The following DRC1 variants were observed in gnomAD, a reference collection of about 807,000 sequenced individuals.
DRC1 encodes dynein regulatory complex subunit 1.
DRC1 carries 74 observed loss-of-function variants against 98.7 expected under a neutral mutation model. That is an observed-to-expected ratio of 0.75 (90% confidence interval 0.62 to 0.91). The LOEUF is 0.91. Among genes scored for constraint, DRC1 ranks in the 40% least tolerant of loss-of-function variants. The probability of loss-of-function intolerance (pLI) is 0.00; values close to 1 mark genes in which losing one functional copy is unlikely to be tolerated. For synonymous variants in DRC1, 336 were observed against 334.1 expected (o/e 1.01, Z -0.06); for missense variants, 875 against 886.0 (o/e 0.99, Z 0.16).
chr2:26,441,513 T>C (rs549189822), intron 8 of DRC1, among the ~76,000 whole-genome samples: 1 of 151,626 alleles, frequency 6.6e-6, no homozygotes, highest in African/African-American at 2.4e-5. Flanking sequence ...TAGCAGAACA[T>C]CCAAGAAAGG....
Position 26,452,136 on chromosome 2 carries a change from G to A in DRC1, c.1690-1184G>A, listed in dbSNP as rs150571676. Among the ~76,000 whole-genome samples the A allele has an allele frequency of 2.0e-4, 30 of 152,002 alleles. No homozygotes were observed. In the East Asian group the frequency reaches 4.6e-3, roughly 23 times the overall value. Reference sequence around the variant, plus strand: ...GATAACACAGCAAGTATAACATAGCGATGACTGAGGTGTAGAAAACAGGCA... The same window carrying A: ...GATAACACAGCAAGTATAACATAGCAATGACTGAGGTGTAGAAAACAGGCA... On this transcript the variant is annotated intron_variant, in intron 13 of 16. Transcript: ENST00000288710.
chr2:26,409,534 T>C (rs1034185057), intron 1 of DRC1, among the ~76,000 whole-genome samples: 1 of 152,208 alleles, frequency 6.6e-6, no homozygotes, highest in African/African-American at 2.4e-5. Flanking sequence ...ATTAGTATCC[T>C]TTTCCCAAGT....
At chr2:26,443,937 T>A (rs1663784653) in intron 8 of DRC1, among the ~76,000 whole-genome samples, 1 of 152,184 alleles carries the variant, frequency 6.6e-6, no homozygotes. Context: ...AAATGATGTA[T>A]TGTGAAGTAG....
rs200121746 is a variant in DRC1 at position 26,402,087 on chromosome 2, A to G, written c.98A>G (p.Gln33Arg). Residue 33 changes from glutamine (Q) to arginine (R), a missense_variant, in exon 1 of 17, where the codon CAG becomes CGG. Transcript: ENST00000288710. ...LAPSVHSDNS[Q>R]ERIQARRLRI... ...CCCTCGGTCCACTCCGACAACTCTCAGGAGCGCATCCAGGCCCGGCGCCTC... is the reference window on the plus strand; with the variant it reads ...CCCTCGGTCCACTCCGACAACTCTCGGGAGCGCATCCAGGCCCGGCGCCTC... The G allele has an allele frequency of 3.2e-4, 515 of 1,613,026 alleles. No homozygotes were observed. Among genetic ancestry groups the G allele is most frequent in the Non-Finnish European group, 1.1e-4 (135 of 1,179,678 alleles).
intron 3 of DRC1, among the ~76,000 whole-genome samples, chr2:26,422,304 T>C (rs1038688143): frequency 2.0e-5 from 3 of 152,092 alleles, no homozygotes; most frequent in African/African-American, 7.2e-5. Context: ...TTTCAATTGG[T>C]GAGAATGACC....
chr2:26,418,002 G>C (rs1312114383), intron 2 of DRC1, among the ~76,000 whole-genome samples: 1 of 151,556 alleles, frequency 6.6e-6, no homozygotes, highest in African/African-American at 2.4e-5. Flanking sequence ...TATTGCATTA[G>C]TTGGATGCTC....
chr2:26,404,762 G>T (rs569453445), intron 1 of DRC1, among the ~76,000 whole-genome samples: 4 of 152,298 alleles, frequency 2.6e-5, no homozygotes, highest in African/African-American at 9.6e-5. Flanking sequence ...TTCTAAGTAT[G>T]TAGGTCCCAA....
chr2:26,436,426 C>T (rs1293498027), intron 7 of DRC1, among the ~76,000 whole-genome samples: 5 of 152,162 alleles, frequency 3.3e-5, no homozygotes, highest in Non-Finnish European at 7.3e-5. Flanking sequence ...AACCTCCCAC[C>T]TCAGTCTCCC....
At chr2:26,448,953 T>C (rs949734960) in intron 11 of DRC1, 150 bp downstream of exon 11, 2 of 796,484 alleles carry the variant, frequency 2.5e-6, no homozygotes, top group African/African-American at 3.4e-5. Flanking sequence ...AGAGTCAGGA[T>C]GGCCCCTGGA....
chr2:26,450,564 T>C lies in DRC1; in HGVS notation c.1600-28T>C, dbSNP rs370432409. ...GCCCGTGGCCTCTTGATGGGGTGTTTGAGCAACCATCCTGTTTTTCGCCCC... is the reference window on the plus strand; with the variant it reads ...GCCCGTGGCCTCTTGATGGGGTGTTCGAGCAACCATCCTGTTTTTCGCCCC... On this transcript the variant is annotated intron_variant, in intron 12 of 16. Coordinates refer to ENST00000288710, the MANE Select transcript of DRC1 (RefSeq NM_145038.5). The C allele has an allele frequency of 1.2e-5, 19 of 1,605,618 alleles. No individual in the cohort carries two copies. In the African/African-American group the frequency reaches 2.4e-4, roughly 20 times the overall value.
chr2:26,424,006 G>A (rs923529362), intron 3 of DRC1, among the ~76,000 whole-genome samples: 1 of 152,126 alleles, frequency 6.6e-6, no homozygotes, highest in Admixed American at 6.5e-5. Context: ...GTGTGCGTGT[G>A]CACGCGTGTG....
At chr2:26,439,892 G>T (rs1194544125) in intron 7 of DRC1, among the ~76,000 whole-genome samples, 1 of 67,162 alleles carries the variant, frequency 1.5e-5, no homozygotes, top group Non-Finnish European at 3.6e-5. Context: ...ATTTATCAGA[G>T]GCCCACAAGC....
intron 3 of DRC1, among the ~76,000 whole-genome samples, chr2:26,423,517 C>T (rs1663203806): frequency 6.6e-6 from 1 of 152,144 alleles, no homozygotes; most frequent in Admixed American, 6.5e-5. Context: ...TGCCTTCCTG[C>T]CACCTCGCCC....
chr2:26,420,110 C>T (rs956622276), intron 2 of DRC1, among the ~76,000 whole-genome samples: 1 of 152,148 alleles, frequency 6.6e-6, no homozygotes, highest in African/African-American at 2.4e-5. Context: ...TTTATCTGCT[C>T]ATCACCTTTT....
At chr2:26,412,274 G>T in intron 1 of DRC1, among the ~76,000 whole-genome samples, 1 of 151,858 alleles carries the variant, frequency 6.6e-6, no homozygotes, top group South Asian at 2.1e-4. Context: ...AGGCTGAGGC[G>T]GGAGAATTGC....
chr2:26,445,299 G>T lies in DRC1; in HGVS notation c.1396+351G>T, dbSNP rs115444476. Among the ~76,000 whole-genome samples the T allele has an allele frequency of 3.2e-3, 491 of 152,258 alleles. 1 individual carries two copies. Among genetic ancestry groups the T allele is most frequent in the African/African-American group, 0.011 (476 of 41,548 alleles). Reference sequence around the variant, plus strand: ...TTAACTGTATTAGGGATTGCAAAATGGTGATATGTTAGATTCTGTTCTTGT... The same window carrying T: ...TTAACTGTATTAGGGATTGCAAAATTGTGATATGTTAGATTCTGTTCTTGT... On this transcript the variant is annotated intron_variant, in intron 10 of 16. Transcript: ENST00000288710.
intron 11 of DRC1, among the ~76,000 whole-genome samples, chr2:26,449,292 G>T (rs1452435115): frequency 6.6e-6 from 1 of 152,252 alleles, no homozygotes. Context: ...CTGGAGGTTG[G>T]GTTGTGGTCA....
At chr2:26,420,351 A>G (rs1453710908) in intron 2 of DRC1, among the ~76,000 whole-genome samples, 1 of 152,122 alleles carries the variant, frequency 6.6e-6, no homozygotes, top group Non-Finnish European at 1.5e-5. Context: ...AGAAATGGAC[A>G]TGGGAGCACA....
intron 7 of DRC1, 107 bp downstream of exon 7, chr2:26,432,113 C>T: frequency 1.4e-6 from 2 of 1,437,206 alleles, no homozygotes; most frequent in Non-Finnish European, 9.3e-7. Context: ...GAGGTAGTCC[C>T]TTCAGCACGT....
Sources: allele counts gnomAD v4.1 joint callset (sites outside exome capture counted in the v4.1 genomes callset), GRCh38; gene constraint gnomAD v4.1.1; transcripts MANE v1.5; gene names NCBI Gene and HGNC (gene_info 2026-07-23, HGNC 2026-07-21).